The following NRXN1 variants were observed in gnomAD, a reference collection of about 807,000 sequenced individuals.
NRXN1 encodes the protein neurexin 1.
In NRXN1, 39 loss-of-function variants were observed where a neutral mutation model predicts 150.9. That is an observed-to-expected ratio of 0.26 (90% CI 0.20 to 0.34). The LOEUF is 0.34. Ranked by LOEUF, NRXN1 falls within the 10% of genes least tolerant of loss-of-function variation. NRXN1 has a pLI of 1.00. For synonymous variants in NRXN1, 924 were observed against 757.0 expected, an observed-to-expected ratio of 1.22 and a Z score of -3.62; for missense variants, 1,815 against 1,949.9, an observed-to-expected ratio of 0.93 and a Z score of 1.30.
At chr2:50,926,498 T>C (rs1277633799) in intron 2 of NRXN1, among the ~76,000 whole-genome samples, 1 of 151,946 alleles carries the variant, frequency 6.6e-6, no homozygotes, top group Admixed American at 6.6e-5. Flanking sequence ...CGTAACTATA[T>C]GGAACTAAAA....
intron 17 of NRXN1, among the ~76,000 whole-genome samples, chr2:50,279,213 A>G (rs1429589133): frequency 6.6e-6 from 1 of 152,178 alleles, no homozygotes; most frequent in Non-Finnish European, 1.5e-5. Flanking sequence ...CAGCTGATAC[A>G]GTTATCTATA....
chr2:50,349,505 A>G (rs376732809), intron 17 of NRXN1, among the ~76,000 whole-genome samples: 2 of 152,222 alleles, frequency 1.3e-5, no homozygotes, highest in East Asian at 3.9e-4. Flanking sequence ...TTGACATTTC[A>G]TAGTGTTAGC....
chr2:50,212,581 T>C (rs1230428704), intron 18 of NRXN1, among the ~76,000 whole-genome samples: 1 of 151,886 alleles, frequency 6.6e-6, no homozygotes, highest in Admixed American at 6.6e-5. Context: ...TATGTTTATT[T>C]AAATCTGTAG....
At chr2:50,887,937 A>AG (rs1680496379) in intron 5 of NRXN1, among the ~76,000 whole-genome samples, 3 of 151,082 alleles carry the variant, frequency 2.0e-5, no homozygotes, top group Non-Finnish European at 4.4e-5. Flanking sequence ...TTTCTGGAAA[A>AG]TAAAACAATA....
chr2:50,903,679 T>C (rs2103984567), intron 5 of NRXN1, among the ~76,000 whole-genome samples: 2 of 152,306 alleles, frequency 1.3e-5, no homozygotes, highest in South Asian at 4.1e-4. Context: ...CCTTTAGTTG[T>C]GAAAACTTGA....
intron 5 of NRXN1, among the ~76,000 whole-genome samples, chr2:50,729,624 C>T (rs1697836013): frequency 6.6e-6 from 1 of 152,212 alleles, no homozygotes; most frequent in Admixed American, 6.5e-5. Flanking sequence ...CAGCTGTCCT[C>T]AATGATTTGC....
intron 21 of NRXN1, among the ~76,000 whole-genome samples, chr2:49,965,932 A>G (rs957377722): frequency 2.0e-5 from 3 of 152,236 alleles, no homozygotes; most frequent in Non-Finnish European, 2.9e-5. Context: ...AAATACACAC[A>G]GTAGGTACAG....
chr2:50,641,720 G>A (rs571423194), intron 5 of NRXN1, among the ~76,000 whole-genome samples: 2 of 152,134 alleles, frequency 1.3e-5, no homozygotes, highest in African/African-American at 2.4e-5. Flanking sequence ...ACTTCTCTTG[G>A]AATAATATCA....
chr2:50,771,944 A>C (rs1001791590), intron 5 of NRXN1, among the ~76,000 whole-genome samples: 3 of 152,114 alleles, frequency 2.0e-5, no homozygotes, highest in Admixed American at 6.6e-5. Context: ...ATATAATAAA[A>C]GGTCAAGTGC....
chr2:50,252,402 G>T (rs13003645), intron 17 of NRXN1, among the ~76,000 whole-genome samples: 62,084 of 150,902 alleles, frequency 0.41, 12,975 homozygotes, highest in Middle Eastern at 0.46. Flanking sequence ...GGGAATACAG[G>T]CATGTGCCAC....
At chr2:50,320,274 T>C (rs2075915776) in intron 17 of NRXN1, among the ~76,000 whole-genome samples, 2 of 112,390 alleles carry the variant, frequency 1.8e-5, no homozygotes, top group African/African-American at 6.7e-5. Flanking sequence ...TTTATTCTTA[T>C]ACCTCAATCA....
intron 18 of NRXN1, among the ~76,000 whole-genome samples, chr2:50,170,141 T>TCA (rs71404935): frequency 0.028 from 4,085 of 148,404 alleles, 66 homozygotes; most frequent in African/African-American, 0.046. Context: ...ATAGATAATA[T>TCA]CACACACACA....
At chr2:49,932,698 A>G (rs1209687989) in intron 22 of NRXN1, among the ~76,000 whole-genome samples, 1 of 152,178 alleles carries the variant, frequency 6.6e-6, no homozygotes, top group East Asian at 1.9e-4. Flanking sequence ...TAACAGAGCT[A>G]CTATGACTTC....
intron 5 of NRXN1, among the ~76,000 whole-genome samples, chr2:50,666,629 C>T (rs1446288700): frequency 1.3e-5 from 2 of 151,846 alleles, no homozygotes; most frequent in Non-Finnish European, 2.9e-5. Context: ...GTGTTTGCTT[C>T]ATGGGAATAA....
rs559668865 is a variant in NRXN1 at position 50,414,293 on chromosome 2, G to A, written c.3364+51149C>T. The stretch of plus-strand genomic sequence containing the variant: ...TGTATTTCACATTGCATATCTTTAC[G>A]CCATAAATATATACACCTGCTATGT... On this transcript the variant is annotated intron_variant, in intron 17 of 22. Coordinates refer to ENST00000401669, the MANE Select transcript of NRXN1 (RefSeq NM_001330078.2). 1.3e-4 allele frequency among the ~76,000 whole-genome samples: 20 copies of A among 151,814 alleles called. 1 individual carries two copies. Among genetic ancestry groups the A allele is most frequent in the Admixed American group, 6.6e-4 (10 of 15,228 alleles).
intron 5 of NRXN1, among the ~76,000 whole-genome samples, chr2:50,665,763 G>C (rs1687935644): frequency 6.6e-6 from 1 of 151,904 alleles, no homozygotes. Context: ...CACATGTTTG[G>C]ATGGATCATA....
At chr2:50,413,619 T>C (rs963028110) in intron 17 of NRXN1, among the ~76,000 whole-genome samples, 3 of 152,080 alleles carry the variant, frequency 2.0e-5, no homozygotes, top group African/African-American at 7.2e-5. Context: ...AGAGAACAGT[T>C]TGGAGGTTCC....
chr2:50,685,740 CT>C (rs1234793751), intron 5 of NRXN1, among the ~76,000 whole-genome samples: 1 of 152,066 alleles, frequency 6.6e-6, no homozygotes, highest in Admixed American at 6.6e-5. Flanking sequence ...AAAATACTAA[CT>C]GAATAACTTG....
chr2:50,870,041 CAAT>C (rs577038498), intron 5 of NRXN1, among the ~76,000 whole-genome samples: 29 of 151,840 alleles, frequency 1.9e-4, no homozygotes, highest in African/African-American at 7.0e-4. Context: ...TCTAGGTACT[CAAT>C]AATAATATTG....
Sources: allele counts gnomAD v4.1 joint callset (sites outside exome capture counted in the v4.1 genomes callset), GRCh38; gene constraint gnomAD v4.1.1; transcripts MANE v1.5; gene names NCBI Gene and HGNC (gene_info 2026-07-23, HGNC 2026-07-21).